SLC6A12: variants seen among roughly 807,000 people sequenced by gnomAD.
SLC6A12 encodes solute carrier family 6 member 12.
Under a neutral mutation model 73.3 loss-of-function variants are expected in SLC6A12, and 50 were observed. The observed-to-expected ratio is 0.68, with a 90% CI of 0.54 to 0.86. The LOEUF (loss-of-function observed/expected upper bound fraction) is 0.86, where lower values mean the gene tolerates loss of function less well. Ranked by LOEUF, SLC6A12 falls within the 40% of genes least tolerant of loss-of-function variation. The pLI is 0.00. For synonymous variants in SLC6A12, 304 were observed against 309.2 expected (o/e 0.98, Z 0.18); for missense variants, 648 against 772.8 (o/e 0.84, Z 1.92).
chr12:212,806 C>T (rs1262723393), intron 1 of SLC6A12, among the ~76,000 whole-genome samples: 1 of 152,186 alleles, frequency 6.6e-6, no homozygotes, highest in Non-Finnish European at 1.5e-5. Context: ...CCCGCTGTGC[C>T]CTTCCACCTC....
rs779976431 is a variant in SLC6A12, at chr12:198,779, T to C, written c.846+18A>G. On this transcript the variant is annotated intron_variant, in intron 8 of 15. Transcript: ENST00000684302. This position sits in a 1 kb window ranked among gnomAD's most constrained non-coding sequence, Gnocchi z 4.0. The stretch of plus-strand genomic sequence containing the variant: ...GTGGGGAAGGCACCTGGGGAAGTGG[T>C]CCCAGCACGGTACATACCTGAGGGT... 3 of 1,613,210 alleles carry C rather than the reference T, an allele frequency of 1.9e-6. No individual in the cohort carries two copies. In the Admixed American group the frequency reaches 5.0e-5, roughly 27 times the overall value.
chr12:209,708 G>C (rs1940822232), intron 3 of SLC6A12, 65 bp downstream of exon 3: 3 of 1,569,196 alleles, frequency 1.9e-6, no homozygotes, highest in African/African-American at 2.7e-5. Context: ...GGAGGGCCCA[G>C]GTAGGCACTG....
chr12:202,579 G>A (rs1940329052), intron 5 of SLC6A12, among the ~76,000 whole-genome samples, 161 bp downstream of exon 5: 2 of 152,218 alleles, frequency 1.3e-5, no homozygotes. Flanking sequence ...CTGGCCTGAG[G>A]GCCTCAGAGG....
rs188790721 is a variant in SLC6A12, at chr12:210,249, G to C, written c.-57-206C>G. On this transcript the variant is annotated intron_variant, in intron 2 of 15. Coordinates refer to ENST00000684302, the MANE Select transcript of SLC6A12 (RefSeq NM_001122848.3). ...AGATGAGGAAATCCAGGCCTTGGCA[G>C]ATGAAGTGATTCACCCAAGACCACT... is the stretch of plus-strand genomic sequence containing the variant. 6.9e-5 allele frequency: 78 copies of C among 1,134,896 alleles called. No individual in the cohort carries two copies. The Middle Eastern group carries it at 1.3e-3, about 19-fold the overall frequency. The allele number at this position is 1,134,896 out of a possible 1,614,324, so 70.3% of individuals were successfully genotyped here. A position where few individuals can be genotyped will look rare whatever the true frequency, so the allele number is the denominator to read the frequency against.
At chr12:188,228 A>G (rs1360331609), downstream of SLC6A12, among the ~76,000 whole-genome samples, 1 of 152,300 alleles carries the variant, frequency 6.6e-6, no homozygotes, top group Admixed American at 6.5e-5. Context: ...AGGGAGGCTC[A>G]GGCATGGCGA....
intron 12 of SLC6A12, 48 bp from the exon 13 acceptor site, chr12:195,375 C>T: frequency 8.2e-7 from 1 of 1,212,724 alleles, no homozygotes. Context: ...AGAGCTGGGA[C>T]ACACTCCAGC....
At chr12:195,432 C>G in intron 12 of SLC6A12, 105 bp from the exon 13 acceptor site, 1 of 741,788 alleles carries the variant, frequency 1.3e-6, no homozygotes, top group Non-Finnish European at 2.4e-6. Context: ...TCCTGCCCGG[C>G]CTGTGGGATG....
chr12:199,229 C>T (rs1052125435), intron 7 of SLC6A12, among the ~76,000 whole-genome samples: 1 of 152,146 alleles, frequency 6.6e-6, no homozygotes, highest in African/African-American at 2.4e-5. Flanking sequence ...TTTTTTTCCT[C>T]TTATTTTTAG....
At chr12:186,602 C>G (rs568280073), downstream of SLC6A12, among the ~76,000 whole-genome samples, 2 of 152,216 alleles carry the variant, frequency 1.3e-5, no homozygotes, top group Non-Finnish European at 2.9e-5. Flanking sequence ...GTGTATTCAC[C>G]TTGCAGCAAG....
Position 198,946 on chromosome 12 carries a change from A to G in SLC6A12, c.712-15T>C. The G allele has an allele frequency of 6.2e-7, 1 of 1,613,658 alleles. No individual in the cohort carries two copies. The highest frequency in any genetic ancestry group is 8.5e-7 in the Non-Finnish European group (1 of 1,179,730). On this transcript the variant is annotated splice_polypyrimidine_tract_variant and intron_variant, in intron 7 of 15. Coordinates refer to ENST00000684302, the MANE Select transcript of SLC6A12 (RefSeq NM_001122848.3). The surrounding 1 kb of genome is among the most constrained non-coding windows in gnomAD (Gnocchi z 4.0). ...AAATAAACCACCTGGAGGTGGGGGG[A>G]CAGGCCAAGGTCACTCCTGGTGGGG...
downstream of SLC6A12, among the ~76,000 whole-genome samples, chr12:185,376 T>A (rs1939412268): frequency 6.6e-6 from 1 of 152,228 alleles, no homozygotes; most frequent in South Asian, 2.1e-4. Flanking sequence ...CTTAGTGAGA[T>A]GGGGACTGAG....
chr12:185,215 G>A (rs1939410207), downstream of SLC6A12, among the ~76,000 whole-genome samples: 2 of 152,224 alleles, frequency 1.3e-5, no homozygotes, highest in African/African-American at 4.8e-5. Context: ...CGGACAGCTG[G>A]CCGGGTAAGG....
downstream of SLC6A12, among the ~76,000 whole-genome samples, chr12:185,620 G>T (rs1429292133): frequency 1.3e-5 from 2 of 152,216 alleles, no homozygotes; most frequent in Non-Finnish European, 2.9e-5. Context: ...AGCCTGCAAG[G>T]ACTCAGCCTT....
intron 7 of SLC6A12, 174 bp from the exon 8 acceptor site, chr12:199,105 G>T: frequency 1.8e-6 from 1 of 555,268 alleles, no homozygotes; most frequent in Non-Finnish European, 3.2e-6. Context: ...CAGTGGGTCT[G>T]TGCTCCCCCC....
At position 198,585 on chromosome 12, in the gene SLC6A12, A is replaced by T. The variant is rs568414953; in HGVS notation, c.846+212T>A. The T allele has an allele frequency of 2.4e-4, 120 of 501,570 alleles. No homozygotes were observed. The highest frequency in any genetic ancestry group is 2.2e-3 in the South Asian group (68 of 31,480). The allele number at this position is 501,570 out of a possible 1,614,324, so 31.1% of individuals were successfully genotyped here. On this transcript the variant is annotated intron_variant, in intron 8 of 15. Coordinates refer to ENST00000684302, the MANE Select transcript of SLC6A12 (RefSeq NM_001122848.3). The surrounding 1 kb of genome is among the most constrained non-coding windows in gnomAD (Gnocchi z 4.0). ...CCTGTCTCTAAGTAAGAGAAAAAAAATTTTTTAAGAAAAAAAGTTATATTT... is the reference window on the plus strand; with the variant it reads ...CCTGTCTCTAAGTAAGAGAAAAAAATTTTTTTAAGAAAAAAAGTTATATTT...
At chr12:212,159 G>C (rs1940927685) in intron 1 of SLC6A12, 49 bp from the exon 2 acceptor site, 1 of 152,196 alleles carries the variant, frequency 6.6e-6, no homozygotes, top group African/African-American at 2.4e-5. Context: ...GAGGGTGAGG[G>C]GATAAAAACA....
At chr12:187,606 A>ACCCAC (rs1565461323), downstream of SLC6A12, among the ~76,000 whole-genome samples, 8 of 14,482 alleles carry the variant, frequency 5.5e-4, no homozygotes, top group Non-Finnish European at 3.4e-3. Flanking sequence ...AAAAAAAAAA[A>ACCCAC]AAAAAAAAAA....
At chr12:201,709 G>T in intron 6 of SLC6A12, 53 bp downstream of exon 6, 1 of 1,409,728 alleles carries the variant, frequency 7.1e-7, no homozygotes, top group Non-Finnish European at 1.0e-6. Context: ...GACTTGCACA[G>T]CTCAGACATC....
rs578138231 is a variant in SLC6A12, at chr12:200,342, T to C, written c.711+309A>G. The stretch of plus-strand genomic sequence containing the variant: ...CCAGGATGGTCTCGATCTCCTGACC[T>C]CGTGATCCGCCAGCCTCGGCCTCCC... On this transcript the variant is annotated intron_variant, in intron 7 of 15. Transcript: ENST00000684302. 3.9e-3 allele frequency among the ~76,000 whole-genome samples: 600 copies of C among 152,054 alleles called. 4 individuals are homozygous for C. The highest frequency in any genetic ancestry group is 0.014 in the African/African-American group (560 of 41,440).
Sources: gnomAD v4.1 joint callset for allele counts (sites outside exome capture counted in the v4.1 genomes callset) on GRCh38, gnomAD v4.1.1 for gene constraint, Gnocchi (gnomAD v3.1) non-coding constraint, MANE v1.5 for transcripts, NCBI Gene and HGNC (gene_info 2026-07-23, HGNC 2026-07-21) for gene names.